The following ROBO1 variants were observed in gnomAD, a reference collection of about 807,000 sequenced individuals.
The protein encoded by ROBO1 is roundabout homolog 1.
Under a neutral mutation model 195.9 loss-of-function variants are expected in ROBO1, and 149 were observed. That is an observed-to-expected ratio of 0.76 (90% CI 0.67 to 0.87). The LOEUF is 0.87. Ranked by LOEUF, ROBO1 falls within the 40% of genes least tolerant of loss-of-function variation. The pLI is 0.00. For synonymous variants in ROBO1, 816 were observed against 733.2 expected, an observed-to-expected ratio of 1.11 and a Z score of -1.82; for missense variants, 1,933 against 2,068.3, an observed-to-expected ratio of 0.93 and a Z score of 1.27.
At chr3:79,537,942 T>C (rs1941933724) in intron 2 of ROBO1, among the ~76,000 whole-genome samples, 1 of 152,096 alleles carries the variant, frequency 6.6e-6, no homozygotes, top group Non-Finnish European at 1.5e-5. Flanking sequence ...CACTGATAGC[T>C]GATGAACTGA....
At chr3:78,945,994 C>T (rs1050714483) in intron 3 of ROBO1, among the ~76,000 whole-genome samples, 2 of 151,512 alleles carry the variant, frequency 1.3e-5, no homozygotes, top group Non-Finnish European at 2.9e-5. Flanking sequence ...AAGAAATCAA[C>T]AAAGCCTCCA....
intron 4 of ROBO1, among the ~76,000 whole-genome samples, chr3:78,896,771 A>G (rs1449029719): frequency 6.6e-6 from 1 of 151,714 alleles, no homozygotes; most frequent in African/African-American, 2.4e-5. Context: ...CAGCGCTTTG[A>G]AAATGCTTTT....
intron 2 of ROBO1, among the ~76,000 whole-genome samples, chr3:79,523,957 G>A (rs1297085744): frequency 6.6e-6 from 1 of 152,096 alleles, no homozygotes; most frequent in African/African-American, 2.4e-5. Context: ...TATGTGGTGT[G>A]CTTATTTTAG....
At chr3:79,231,907 C>A (rs115153852) in intron 2 of ROBO1, among the ~76,000 whole-genome samples, 7,744 of 152,140 alleles carry the variant, frequency 0.051, 306 homozygotes, top group African/African-American at 0.11. Context: ...AGATCACATC[C>A]TTTGCAGGGA....
chr3:79,593,098 T>C lies in ROBO1; in HGVS notation c.-50-3137A>G, dbSNP rs192847071. Among the ~76,000 whole-genome samples the C allele has an allele frequency of 1.1e-4, 16 of 152,190 alleles. No individual in the cohort carries two copies. The East Asian group carries it at 3.1e-3, about 29-fold the overall frequency. On this transcript the variant is annotated intron_variant, in intron 1 of 30. Coordinates refer to ENST00000464233, the MANE Select transcript of ROBO1 (RefSeq NM_002941.4). ...TTCATGTCTTGATAGCTAATGTCTT[T>C]TCAGCACTGAAAAACATTCCATTGT... is the stretch of plus-strand genomic sequence containing the variant.
At chr3:79,511,716 A>G (rs918333188) in intron 2 of ROBO1, among the ~76,000 whole-genome samples, 4 of 152,102 alleles carry the variant, frequency 2.6e-5, no homozygotes, top group African/African-American at 4.8e-5. Context: ...ACTGTACATA[A>G]ACACCATGGA....
chr3:79,375,357 C>T (rs1462595419), intron 2 of ROBO1, among the ~76,000 whole-genome samples: 1 of 152,056 alleles, frequency 6.6e-6, no homozygotes, highest in African/African-American at 2.4e-5. Context: ...GACCAGCAGC[C>T]CAAGGGGACG....
At chr3:79,063,247 C>T (rs1371579523) in intron 3 of ROBO1, among the ~76,000 whole-genome samples, 1 of 151,910 alleles carries the variant, frequency 6.6e-6, no homozygotes, top group Admixed American at 6.6e-5. Flanking sequence ...TACTCTTGAC[C>T]TCTACTCTGA....
intron 2 of ROBO1, among the ~76,000 whole-genome samples, chr3:79,409,254 A>C (rs1330739262): frequency 2.0e-5 from 3 of 152,162 alleles, no homozygotes; most frequent in Non-Finnish European, 4.4e-5. Context: ...AAGTCCATGA[A>C]TAGAATATGA....
At chr3:78,609,100 C>T (rs1388297844) in intron 28 of ROBO1, among the ~76,000 whole-genome samples, 1 of 152,130 alleles carries the variant, frequency 6.6e-6, no homozygotes, top group African/African-American at 2.4e-5. Flanking sequence ...AACGTTTTCA[C>T]ATTTCTAGAA....
intron 3 of ROBO1, among the ~76,000 whole-genome samples, chr3:78,983,206 T>C (rs2077036165): frequency 6.6e-6 from 1 of 152,220 alleles, no homozygotes; most frequent in African/African-American, 2.4e-5. Flanking sequence ...GGTTTTAATG[T>C]GCTAATCGCA....
intron 2 of ROBO1, among the ~76,000 whole-genome samples, chr3:79,386,110 G>C (rs1219355238): frequency 6.6e-6 from 1 of 152,054 alleles, no homozygotes; most frequent in Non-Finnish European, 1.5e-5. Context: ...TATAGTGATA[G>C]ATTTTAACTG....
chr3:79,032,910 C>T (rs2078321452), intron 3 of ROBO1, among the ~76,000 whole-genome samples: 1 of 151,946 alleles, frequency 6.6e-6, no homozygotes. Flanking sequence ...TTGCCCTCTG[C>T]TGGCTGGAAA....
intron 2 of ROBO1, among the ~76,000 whole-genome samples, chr3:79,353,650 T>G (rs2035430722): frequency 6.6e-6 from 1 of 152,152 alleles, no homozygotes. Flanking sequence ...TAATTTTGAT[T>G]TATTCTATAG....
intron 25 of ROBO1, among the ~76,000 whole-genome samples, chr3:78,629,201 T>C (rs1454737964): frequency 3.3e-5 from 5 of 152,192 alleles, no homozygotes; most frequent in Non-Finnish European, 7.3e-5. Flanking sequence ...TTCTCATTTG[T>C]CCAGATCAAG....
At chr3:79,155,462 G>A (rs1332952287) in intron 2 of ROBO1, among the ~76,000 whole-genome samples, 1 of 151,458 alleles carries the variant, frequency 6.6e-6, no homozygotes, top group Non-Finnish European at 1.5e-5. Flanking sequence ...TTTTTTCTTT[G>A]CCTAAAATTA....
chr3:79,433,016 A>T (rs2038740590), intron 2 of ROBO1, among the ~76,000 whole-genome samples: 1 of 152,184 alleles, frequency 6.6e-6, no homozygotes, highest in Admixed American at 6.5e-5. Context: ...CATTTTTTAA[A>T]TGTCCAACTT....
At chr3:78,710,894 G>A (rs1369453147) in intron 8 of ROBO1, among the ~76,000 whole-genome samples, 6 of 152,142 alleles carry the variant, frequency 3.9e-5, no homozygotes, top group Non-Finnish European at 8.8e-5. Flanking sequence ...ATAAATTTAT[G>A]TGCTCCAACC....
chr3:78,873,682 A>G (rs916818575), intron 4 of ROBO1, among the ~76,000 whole-genome samples: 9 of 152,298 alleles, frequency 5.9e-5, no homozygotes, highest in African/African-American at 2.2e-4. Flanking sequence ...TATCATGTAT[A>G]TTCCTGAGCG....
Sources: allele counts gnomAD v4.1 joint callset (sites outside exome capture counted in the v4.1 genomes callset), GRCh38; gene constraint gnomAD v4.1.1; transcripts MANE v1.5; gene names NCBI Gene and HGNC (gene_info 2026-07-23, HGNC 2026-07-21).